The following RC3H1 variants were observed in gnomAD, a reference collection of about 807,000 sequenced individuals.
RC3H1 encodes roquin-1.
Under a neutral mutation model 138.2 loss-of-function variants are expected in RC3H1, and 50 were observed. The observed-to-expected ratio is 0.36, with a 90% CI of 0.29 to 0.46. The LOEUF (loss-of-function observed/expected upper bound fraction) is 0.46. Ranked by LOEUF, RC3H1 falls within the 20% of genes least tolerant of loss-of-function variation. RC3H1 has a pLI of 1.00. For synonymous variants in RC3H1, 462 were observed against 489.1 expected, an observed-to-expected ratio of 0.94 and a Z score of 0.73; for missense variants, 1,031 against 1,388.1, an observed-to-expected ratio of 0.74 and a Z score of 4.09.
intron 7 of RC3H1, 39 bp from the exon 8 acceptor site, chr1:173,972,666 C>T: frequency 7.2e-7 from 1 of 1,391,602 alleles, no homozygotes; most frequent in Non-Finnish European, 1.0e-6. Context: ...TCTAATGTTA[C>T]TCAAAATTTT....
intron 13 of RC3H1, 165 bp downstream of exon 13, chr1:173,960,912 C>T: frequency 6.3e-6 from 4 of 635,354 alleles, no homozygotes; most frequent in South Asian, 2.2e-5. Flanking sequence ...ACATTACATA[C>T]ATACAAAAAT....
At chr1:173,998,450 G>A (rs1661503914) in intron 1 of RC3H1, among the ~76,000 whole-genome samples, 1 of 152,096 alleles carries the variant, frequency 6.6e-6, no homozygotes, top group Non-Finnish European at 1.5e-5. Context: ...GAATATACAT[G>A]ATAATTAAAT....
chr1:173,945,076 A>C (rs1659074960), intron 17 of RC3H1, among the ~76,000 whole-genome samples: 1 of 152,168 alleles, frequency 6.6e-6, no homozygotes, highest in African/African-American at 2.4e-5. Flanking sequence ...ATGATGTATA[A>C]ACAAAACCTA....
At chr1:174,001,861 TAAA>T (rs1661569910) in intron 1 of RC3H1, among the ~76,000 whole-genome samples, 1 of 152,196 alleles carries the variant, frequency 6.6e-6, no homozygotes, top group Admixed American at 6.5e-5. Flanking sequence ...ATCAAGTAAA[TAAA>T]TTTATAATCA....
intron 3 of RC3H1, among the ~76,000 whole-genome samples, 190 bp downstream of exon 3, chr1:173,984,309 A>T (rs1365879780): frequency 2.0e-5 from 3 of 152,214 alleles, no homozygotes; most frequent in African/African-American, 4.8e-5. Context: ...TTTCATTAAC[A>T]TTTGCTTAAT....
chr1:173,955,263 TACAACAACA>T (rs72151707), intron 13 of RC3H1, among the ~76,000 whole-genome samples: 2 of 131,772 alleles, frequency 1.5e-5, no homozygotes, highest in Non-Finnish European at 3.1e-5. Context: ...ACAATCTTCA[TACAACAACA>T]ACAACAACAA....
chr1:174,001,450 T>C (rs200237177), intron 1 of RC3H1, among the ~76,000 whole-genome samples: 3 of 152,182 alleles, frequency 2.0e-5, no homozygotes, highest in African/African-American at 2.4e-5. Context: ...CATCTTTTTT[T>C]GTTTTTGTGT....
intron 1 of RC3H1, among the ~76,000 whole-genome samples, chr1:173,995,067 AG>A (rs1337565828): frequency 1.6e-3 from 245 of 152,286 alleles, no homozygotes; most frequent in African/African-American, 5.6e-3. Context: ...TATATAACAG[AG>A]GCAACCTGAC....
chr1:173,962,099 C>T lies in RC3H1; in HGVS notation c.1832-4G>A, dbSNP rs1255234188. On this transcript the variant is annotated splice_polypyrimidine_tract_variant and splice_region_variant and intron_variant, in intron 11 of 19. Coordinates refer to ENST00000367696, the MANE Select transcript of RC3H1 (RefSeq NM_172071.4). ...GGTGGTGGAGTATAATACATACCTG[C>T]ACAATACAAAAGAGGACCCAAAAGC... The T allele has an allele frequency of 2.5e-6, 4 of 1,603,124 alleles. No homozygotes were observed. The East Asian group carries it at 8.9e-5, about 36-fold the overall frequency.
chr1:173,941,215 T>G (rs769189292), intron 19 of RC3H1, 50 bp downstream of exon 19: 2 of 1,051,126 alleles, frequency 1.9e-6, no homozygotes, highest in South Asian at 2.6e-5. Flanking sequence ...TATATTAGTT[T>G]CTCTTTTGTG....
Position 173,962,079 on chromosome 1 carries a change from T to C in RC3H1, c.1848A>G (p.Pro616=). 6.2e-7 allele frequency: 1 copy of C among 1,613,308 alleles called. No homozygotes were observed. Among genetic ancestry groups the C allele is most frequent in the East Asian group, 2.2e-5 (1 of 44,870 alleles). Residue 616 remains proline, a synonymous_variant, in exon 12 of 20, where the codon CCA becomes CCG. Coordinates refer to ENST00000367696, the MANE Select transcript of RC3H1 (RefSeq NM_172071.4). ...APYQQGMYYT[P]PPQCVSRFVR... is the part of the protein sequence containing the mutation. The stretch of plus-strand genomic sequence containing the variant: ...CAAAGCGGGACACACATTGTGGTGG[T>C]GGAGTATAATACATACCTGCACAAT...
chr1:173,940,423 A>G (rs1416187137), intron 19 of RC3H1, among the ~76,000 whole-genome samples: 1 of 152,108 alleles, frequency 6.6e-6, no homozygotes, highest in Non-Finnish European at 1.5e-5. Context: ...GTGAGCCGAG[A>G]TCGTGCCATT....
chr1:173,999,609 C>T (rs1661527828), intron 1 of RC3H1, among the ~76,000 whole-genome samples: 1 of 152,156 alleles, frequency 6.6e-6, no homozygotes, highest in Admixed American at 6.5e-5. Context: ...CAACTACAGA[C>T]AAAATTGTGA....
intron 1 of RC3H1, among the ~76,000 whole-genome samples, chr1:174,015,679 T>C (rs1462301469): frequency 5.3e-5 from 8 of 150,978 alleles, no homozygotes; most frequent in Non-Finnish European, 1.2e-4. Context: ...ATTTTATATA[T>C]ATATATATAT....
intron 19 of RC3H1, among the ~76,000 whole-genome samples, chr1:173,940,420 G>A (rs1009274478): frequency 3.9e-5 from 6 of 151,914 alleles, no homozygotes; most frequent in African/African-American, 9.7e-5. Flanking sequence ...GCCGTGAGCC[G>A]AGATCGTGCC....
intron 9 of RC3H1, among the ~76,000 whole-genome samples, chr1:173,965,662 C>T (rs934556822): frequency 1.3e-5 from 2 of 152,116 alleles, no homozygotes; most frequent in African/African-American, 4.8e-5. Context: ...TTTCTGTGGA[C>T]ATTTGTATTT....
At position 173,961,074 on chromosome 1, in the gene RC3H1, T is replaced by C; in HGVS notation, c.2370+3A>G. On this transcript the variant is annotated splice_donor_region_variant and intron_variant, in intron 13 of 19. Transcript: ENST00000367696. ...TAAATGAGACTAAAAATGATTTGCTTACTTCTTCCGGATGAAAGGTAGGAG... is the reference window on the plus strand; with the variant it reads ...TAAATGAGACTAAAAATGATTTGCTCACTTCTTCCGGATGAAAGGTAGGAG... 1 of 1,612,148 alleles carries C rather than the reference T, an allele frequency of 6.2e-7. No individual in the cohort carries two copies. The highest frequency in any genetic ancestry group is 8.5e-7 in the Non-Finnish European group (1 of 1,179,214).
chr1:173,970,313 T>A (rs370396467), intron 9 of RC3H1, among the ~76,000 whole-genome samples, 192 bp downstream of exon 9: 1 of 152,218 alleles, frequency 6.6e-6, no homozygotes, highest in Non-Finnish European at 1.5e-5. Context: ...ACTTGTGGTG[T>A]CAAGTTGGCT....
chr1:173,999,786 T>C (rs1329602220), intron 1 of RC3H1, among the ~76,000 whole-genome samples: 1 of 152,244 alleles, frequency 6.6e-6, no homozygotes, highest in East Asian at 1.9e-4. Flanking sequence ...GATATTATAC[T>C]TTCAGTGCTC....
Sources: gnomAD v4.1 joint callset for allele counts (sites outside exome capture counted in the v4.1 genomes callset) on GRCh38, gnomAD v4.1.1 for gene constraint, MANE v1.5 for transcripts, NCBI Gene and HGNC (gene_info 2026-07-23, HGNC 2026-07-21) for gene names.